The following AKAP6 variants were observed in gnomAD, a reference collection of about 807,000 sequenced individuals.
AKAP6 encodes the protein A-kinase anchor protein 6.
AKAP6 carries 58 observed loss-of-function variants against 188.5 expected under a neutral mutation model. That is an observed-to-expected ratio of 0.31 (90% CI 0.25 to 0.38). The LOEUF is 0.38. Ranked by LOEUF, AKAP6 falls within the 10% of genes least tolerant of loss-of-function variation. The probability of loss-of-function intolerance (pLI) is 1.00; values close to 1 mark genes in which losing one functional copy is unlikely to be tolerated. For missense variants in AKAP6, 2,710 were observed against 2,740.0 expected (o/e 0.99, Z 0.24); for synonymous variants, 989 against 998.6 (o/e 0.99, Z 0.18).
chr14:32,469,020 A>G (rs1029230885), intron 2 of AKAP6, among the ~76,000 whole-genome samples: 1 of 152,198 alleles, frequency 6.6e-6, no homozygotes. Context: ...TGGAAGAGGT[A>G]TTAACTAGGC....
intron 2 of AKAP6, among the ~76,000 whole-genome samples, chr14:32,468,160 C>G (rs1008439234): frequency 1.8e-5 from 2 of 109,396 alleles, no homozygotes; most frequent in African/African-American, 8.9e-5. Flanking sequence ...TCTAGAAAAA[C>G]TTGTGATTTT....
chr14:32,493,345 C>A (rs1366613588), intron 2 of AKAP6, among the ~76,000 whole-genome samples: 1 of 151,968 alleles, frequency 6.6e-6, no homozygotes, highest in East Asian at 1.9e-4. Context: ...TAGCTGGGAA[C>A]AGGCTTGTAC....
chr14:32,437,674 G>A (rs1890430817), intron 2 of AKAP6, among the ~76,000 whole-genome samples: 1 of 151,994 alleles, frequency 6.6e-6, no homozygotes, highest in South Asian at 2.1e-4. Flanking sequence ...TGGGCTCACT[G>A]CAACCTTTGA....
At chr14:32,638,075 T>C (rs1887589941) in intron 7 of AKAP6, among the ~76,000 whole-genome samples, 1 of 152,028 alleles carries the variant, frequency 6.6e-6, no homozygotes, top group Non-Finnish European at 1.5e-5. Context: ...GAAAAGGCTA[T>C]AAGAACACAA....
intron 2 of AKAP6, among the ~76,000 whole-genome samples, chr14:32,523,988 G>A (rs200732210): frequency 2.0e-5 from 3 of 152,008 alleles, no homozygotes; most frequent in Admixed American, 6.6e-5. Context: ...TCTAATGCCC[G>A]AAGTTCTTCA....
At chr14:32,521,859 A>G (rs1881853569) in intron 2 of AKAP6, among the ~76,000 whole-genome samples, 1 of 152,192 alleles carries the variant, frequency 6.6e-6, no homozygotes, top group African/African-American at 2.4e-5. Context: ...ATGTGCAACC[A>G]AAAAAGAGCC....
At chr14:32,828,330 G>T (rs926660677) in intron 13 of AKAP6, among the ~76,000 whole-genome samples, 2 of 152,120 alleles carry the variant, frequency 1.3e-5, no homozygotes, top group Admixed American at 1.3e-4. Context: ...TGGTGATTGT[G>T]TATGAATTTT....
intron 2 of AKAP6, among the ~76,000 whole-genome samples, chr14:32,496,898 T>C (rs145995676): frequency 8.7e-4 from 133 of 152,308 alleles, no homozygotes; most frequent in Non-Finnish European, 1.6e-3. Context: ...AGTTAAAAAG[T>C]AGATCATCCA....
chr14:32,677,414 A>T (rs1440952422), intron 7 of AKAP6, among the ~76,000 whole-genome samples: 1 of 152,246 alleles, frequency 6.6e-6, no homozygotes, highest in East Asian at 1.9e-4. Context: ...TTCAAGGTTT[A>T]TCAGAAATGT....
chr14:32,359,438 T>A (rs1205393636), intron 1 of AKAP6, among the ~76,000 whole-genome samples: 1 of 152,134 alleles, frequency 6.6e-6, no homozygotes, highest in African/African-American at 2.4e-5. Context: ...ATAAAACTAA[T>A]AAAGAATGCT....
intron 9 of AKAP6, among the ~76,000 whole-genome samples, chr14:32,710,929 G>A (rs1891031442): frequency 6.6e-6 from 1 of 152,044 alleles, no homozygotes; most frequent in Non-Finnish European, 1.5e-5. Context: ...ATTCATTTAT[G>A]AAATATCTAT....
intron 7 of AKAP6, among the ~76,000 whole-genome samples, chr14:32,642,807 A>T (rs1277356727): frequency 6.6e-6 from 1 of 152,158 alleles, no homozygotes; most frequent in Non-Finnish European, 1.5e-5. Context: ...GTGATTCCCT[A>T]TTAACATTAC....
chr14:32,736,670 A>G (rs1234411566), intron 11 of AKAP6, among the ~76,000 whole-genome samples: 2 of 152,144 alleles, frequency 1.3e-5, no homozygotes, highest in Non-Finnish European at 2.9e-5. Flanking sequence ...CTTAAAGAGG[A>G]GAAAAAGGAA....
At chr14:32,442,556 A>T (rs1242954727) in intron 2 of AKAP6, 1 of 151,616 alleles carries the variant, frequency 6.6e-6, no homozygotes, top group Non-Finnish European at 1.5e-5. Context: ...GCAGGTCAAA[A>T]CTCCCATGCT....
At chr14:32,422,438 A>T (rs1350254591) in intron 1 of AKAP6, among the ~76,000 whole-genome samples, 1 of 152,226 alleles carries the variant, frequency 6.6e-6, no homozygotes, top group Non-Finnish European at 1.5e-5. Flanking sequence ...AGGAAGGAAC[A>T]TGTAGGGAAG....
chr14:32,660,016 AAAG>A (rs1316233157), intron 7 of AKAP6, among the ~76,000 whole-genome samples: 1 of 152,172 alleles, frequency 6.6e-6, no homozygotes, highest in Non-Finnish European at 1.5e-5. Context: ...ATATATATAT[AAAG>A]AAAGGTAAAA....
intron 1 of AKAP6, among the ~76,000 whole-genome samples, chr14:32,347,800 G>T (rs1887115522): frequency 6.6e-6 from 1 of 152,182 alleles, no homozygotes; most frequent in South Asian, 2.1e-4. Flanking sequence ...TTAATTAATA[G>T]TAATAGTCCA....
chr14:32,454,451 A>C, intron 2 of AKAP6, among the ~76,000 whole-genome samples: 1 of 152,184 alleles, frequency 6.6e-6, no homozygotes, highest in East Asian at 1.9e-4. Flanking sequence ...TCAGCTTCTC[A>C]TGTGGCCATG....
chr14:32,521,102 T>A (rs1881805738), intron 2 of AKAP6, among the ~76,000 whole-genome samples: 1 of 152,104 alleles, frequency 6.6e-6, no homozygotes, highest in Admixed American at 6.6e-5. Context: ...ATTATCTCAA[T>A]AGATGCAGAA....
Sources: allele counts gnomAD v4.1 joint callset (sites outside exome capture counted in the v4.1 genomes callset), GRCh38; gene constraint gnomAD v4.1.1; transcripts MANE v1.5; gene names NCBI Gene and HGNC (gene_info 2026-07-23, HGNC 2026-07-21).